The following SKA2 variants were observed in gnomAD, a reference collection of about 807,000 sequenced individuals.
SKA2 encodes the protein spindle and kinetochore-associated protein 2.
A neutral mutation model predicts 16.9 loss-of-function variants in SKA2; 13 were observed. That is an observed-to-expected ratio of 0.77 (90% CI 0.50 to 1.22). SKA2 has a LOEUF of 1.22. Ranked by LOEUF, SKA2 falls within the 50% of genes most tolerant of loss-of-function variation. SKA2 has a pLI of 0.00. For synonymous variants in SKA2, 47 were observed against 48.5 expected (o/e 0.97, Z 0.13); for missense variants, 107 against 139.7 (o/e 0.77, Z 1.18).
Position 59,112,231 on chromosome 17 carries a change from G to A in SKA2, c.*46C>T, listed in dbSNP as rs761276837. On this transcript the variant is annotated 3_prime_UTR_variant, in exon 4 of 4. Transcript: ENST00000330137. ...CAAGACATCTTCCTAAATTTCTCCG[G>A]AATTAAGCTCTTCTCTGTTAGAATT... 1.8e-5 allele frequency: 27 copies of A among 1,496,392 alleles called. No individual in the cohort carries two copies. In the South Asian group the frequency reaches 2.7e-4, roughly 15 times the overall value. 92.7% of individuals were successfully genotyped at this position (1,496,392 alleles called of 1,614,324 possible). A position where few individuals can be genotyped will look rare whatever the true frequency, so the allele number is the denominator to read the frequency against.
At chr17:59,148,385 G>A (rs1289479206) in intron 1 of SKA2, among the ~76,000 whole-genome samples, 2 of 151,924 alleles carry the variant, frequency 1.3e-5, no homozygotes, top group South Asian at 2.1e-4. Context: ...AGACCAGCCT[G>A]GGCAACATAA....
intron 1 of SKA2, among the ~76,000 whole-genome samples, chr17:59,142,669 G>A: frequency 6.6e-6 from 1 of 151,486 alleles, no homozygotes. Context: ...GCTCATGCCA[G>A]TAATCCCAGC....
At chr17:59,150,467 T>C (rs907476983) in intron 1 of SKA2, among the ~76,000 whole-genome samples, 4 of 152,188 alleles carry the variant, frequency 2.6e-5, no homozygotes, top group Non-Finnish European at 5.9e-5. Context: ...CTAGGCACAG[T>C]GGCTCACACC....
intron 1 of SKA2, among the ~76,000 whole-genome samples, chr17:59,147,174 A>G (rs2046539362): frequency 6.6e-6 from 1 of 151,946 alleles, no homozygotes; most frequent in African/African-American, 2.4e-5. Context: ...ATAAAAAAAG[A>G]AACAATGTCC....
At chr17:59,151,188 G>A (rs1312306965) in intron 1 of SKA2, 1 of 513,092 alleles carries the variant, frequency 1.9e-6, no homozygotes, top group Non-Finnish European at 4.1e-6. Flanking sequence ...GTAAAGTACA[G>A]TAGTGCAATA....
rs1370180658 is a variant in SKA2 at position 59,150,717 on chromosome 17, G to A, written c.33+4414C>T. Among the ~76,000 whole-genome samples the A allele has an allele frequency of 2.6e-5, 4 of 152,074 alleles. No homozygotes were observed. The East Asian group carries it at 7.7e-4, about 29-fold the overall frequency. Reference sequence around the variant, plus strand: ...TAACTGGGCCACTGCACTCCAGCCTGGGCAACAGAGAAAGACTCTGTCTCT... The same window carrying A: ...TAACTGGGCCACTGCACTCCAGCCTAGGCAACAGAGAAAGACTCTGTCTCT... On this transcript the variant is annotated intron_variant, in intron 1 of 3. Transcript: ENST00000330137.
chr17:59,109,937 G>A lies in SKA2; in HGVS notation c.*2340C>T, dbSNP rs900802616. The A allele has an allele frequency of 2.0e-5, 3 of 152,230 alleles. No homozygotes were observed. The highest frequency in any genetic ancestry group is 4.4e-5 in the Non-Finnish European group (3 of 68,034). 9.4% of individuals were successfully genotyped at this position (152,230 alleles called of 1,614,324 possible). A position where few individuals can be genotyped will look rare whatever the true frequency, so the allele number is the denominator to read the frequency against. On this transcript the variant is annotated 3_prime_UTR_variant, in exon 4 of 4. Coordinates refer to ENST00000330137, the MANE Select transcript of SKA2 (RefSeq NM_182620.4). ...GAGGTGTGAAGATAATGTAGAGGTT[G>A]TATACTATGACCATTTTAGAAAGAG... is the stretch of plus-strand genomic sequence containing the variant.
intron 3 of SKA2, among the ~76,000 whole-genome samples, chr17:59,113,750 C>T (rs1229159299): frequency 4.6e-5 from 7 of 151,134 alleles, no homozygotes; most frequent in African/African-American, 1.5e-4. Context: ...TGCTTGAACC[C>T]GGGAGGTGGA....
At chr17:59,149,530 TA>T (rs57435909) in intron 1 of SKA2, among the ~76,000 whole-genome samples, 64,689 of 150,026 alleles carry the variant, frequency 0.43, 15,719 homozygotes, top group African/African-American at 0.68. Flanking sequence ...AAAATATTGC[TA>T]AAAAAAAAAT....
At chr17:59,140,260 G>C (rs548163573) in intron 1 of SKA2, among the ~76,000 whole-genome samples, 6 of 149,420 alleles carry the variant, frequency 4.0e-5, no homozygotes, top group African/African-American at 1.5e-4. Context: ...ATGAAGTCTC[G>C]CTCTTGTCCC....
At chr17:59,150,614 C>T (rs1388244090) in intron 1 of SKA2, among the ~76,000 whole-genome samples, 2 of 152,046 alleles carry the variant, frequency 1.3e-5, no homozygotes, top group Non-Finnish European at 2.9e-5. Flanking sequence ...TGGTAGGACA[C>T]GCCTGTGGTC....
chr17:59,125,410 G>T (rs1049221597), intron 2 of SKA2, among the ~76,000 whole-genome samples: 34 of 151,584 alleles, frequency 2.2e-4, no homozygotes, highest in African/African-American at 8.2e-4. Context: ...ATGATAAAAG[G>T]TTACAAGAAT....
At chr17:59,131,440 T>TACATTTTGTTTA (rs2046411270) in intron 1 of SKA2, 73 bp from the exon 2 acceptor site, 1 of 1,007,156 alleles carries the variant, frequency 9.9e-7, no homozygotes, top group Non-Finnish European at 1.4e-6. Context: ...ATTCTTTTTT[T>TACATTTTGTTTA]CTCTTTACAT....
At chr17:59,119,817 C>G (rs937545029) in intron 2 of SKA2, among the ~76,000 whole-genome samples, 4 of 152,006 alleles carry the variant, frequency 2.6e-5, no homozygotes, top group African/African-American at 4.8e-5. Flanking sequence ...TACAATATTT[C>G]TAAAATACAA....
At chr17:59,126,062 T>TA (rs1478683024) in intron 2 of SKA2, among the ~76,000 whole-genome samples, 7 of 151,906 alleles carry the variant, frequency 4.6e-5, no homozygotes, top group Non-Finnish European at 1.0e-4. Context: ...TCCCAGCTAC[T>TA]CGGGAGGCTG....
chr17:59,139,038 T>C (rs888249577), intron 1 of SKA2, among the ~76,000 whole-genome samples: 1 of 152,092 alleles, frequency 6.6e-6, no homozygotes, highest in African/African-American at 2.4e-5. Flanking sequence ...GTCTCACCTA[T>C]GGTGGGCTAG....
chr17:59,127,750 A>T (rs182617662), intron 2 of SKA2, among the ~76,000 whole-genome samples: 179 of 152,266 alleles, frequency 1.2e-3, no homozygotes, highest in Admixed American at 2.4e-3. Context: ...ACAGTTTGGT[A>T]GTTCCTTAAA....
At chr17:59,130,794 T>A (rs928364769) in intron 2 of SKA2, among the ~76,000 whole-genome samples, 1 of 152,208 alleles carries the variant, frequency 6.6e-6, no homozygotes. Flanking sequence ...CTTAATGATT[T>A]TATGACATAA....
At chr17:59,155,003 A>C (rs2046612292) in intron 1 of SKA2, 128 bp downstream of exon 1, 1 of 1,613,952 alleles carries the variant, frequency 6.2e-7, no homozygotes, top group East Asian at 2.2e-5. Context: ...TTGGTGCAGG[A>C]GGAGGGAACT....
Sources: allele counts gnomAD v4.1 joint callset (sites outside exome capture counted in the v4.1 genomes callset), GRCh38; gene constraint gnomAD v4.1.1; transcripts MANE v1.5; gene names NCBI Gene and HGNC (gene_info 2026-07-23, HGNC 2026-07-21).